Variants in FBXL17 observed in about 807,000 individuals in gnomAD.
FBXL17 encodes the protein F-box/LRR-repeat protein 17.
In FBXL17, 22 loss-of-function variants were observed where a neutral mutation model predicts 66.2. That is an observed-to-expected ratio of 0.33 (90% confidence interval 0.24 to 0.47). The LOEUF is 0.47. Ranked by LOEUF, FBXL17 falls within the 20% of genes least tolerant of loss-of-function variation. FBXL17 has a pLI of 1.00. For missense variants in FBXL17, 878 were observed against 948.2 expected (o/e 0.93, Z 0.97); for synonymous variants, 474 against 400.5 (o/e 1.18, Z -2.19).
intron 5 of FBXL17, among the ~76,000 whole-genome samples, chr5:108,216,047 A>C (rs1754586881): frequency 6.6e-6 from 1 of 152,168 alleles, no homozygotes; most frequent in Non-Finnish European, 1.5e-5. Flanking sequence ...TTTTCCATTG[A>C]CTTACGTGTC....
intron 6 of FBXL17, among the ~76,000 whole-genome samples, chr5:108,099,261 T>G (rs938549785): frequency 2.0e-5 from 3 of 152,234 alleles, no homozygotes; most frequent in African/African-American, 7.2e-5. Context: ...GATAATGTGA[T>G]ACTGGGTACA....
intron 6 of FBXL17, among the ~76,000 whole-genome samples, chr5:108,061,538 T>C (rs936158172): frequency 4.6e-5 from 7 of 152,144 alleles, no homozygotes; most frequent in African/African-American, 1.7e-4. Flanking sequence ...CGTTCAAAAG[T>C]TGACCCTGAC....
At chr5:108,004,613 G>A (rs185356406) in intron 7 of FBXL17, among the ~76,000 whole-genome samples, 1 of 152,252 alleles carries the variant, frequency 6.6e-6, no homozygotes, top group Admixed American at 6.5e-5. Context: ...ACTCCAGCCT[G>A]GGATCGAGGA....
chr5:108,157,618 T>C (rs1188879809), intron 6 of FBXL17, among the ~76,000 whole-genome samples: 1 of 151,150 alleles, frequency 6.6e-6, no homozygotes, highest in Non-Finnish European at 1.5e-5. Flanking sequence ...AATCTGTAGG[T>C]AAATTATTAT....
At chr5:108,153,913 G>A (rs1197844295) in intron 6 of FBXL17, among the ~76,000 whole-genome samples, 1 of 152,052 alleles carries the variant, frequency 6.6e-6, no homozygotes, top group Non-Finnish European at 1.5e-5. Flanking sequence ...AGGTGTCCAG[G>A]GCCCAATTAA....
At chr5:108,258,270 C>A (rs72791257) in intron 4 of FBXL17, among the ~76,000 whole-genome samples, 1,598 of 152,188 alleles carry the variant, frequency 0.011, 21 homozygotes, top group Non-Finnish European at 0.017. Context: ...AGTGCCCTCA[C>A]CAGAAATCAA....
At chr5:107,937,128 T>C (rs1489796403) in intron 7 of FBXL17, among the ~76,000 whole-genome samples, 1 of 152,082 alleles carries the variant, frequency 6.6e-6, no homozygotes, top group Non-Finnish European at 1.5e-5. Context: ...ATAAGTCATA[T>C]TACTAAACAA....
rs532505963 is a variant in FBXL17, at chr5:108,070,190, A to G, written c.1746-49189T>C. Among the ~76,000 whole-genome samples the G allele has an allele frequency of 2.0e-5, 3 of 152,352 alleles. No homozygotes were observed. In the South Asian group the frequency reaches 6.2e-4, roughly 32 times the overall value. The stretch of plus-strand genomic sequence containing the variant: ...TCCATTAGAACCAATAATGTCCTGC[A>G]AAGCCTAATTCTACAAAAGATCCAC... On this transcript the variant is annotated intron_variant, in intron 6 of 8. Transcript: ENST00000542267.
chr5:107,989,684 T>C (rs1753159717), intron 7 of FBXL17, among the ~76,000 whole-genome samples: 1 of 152,148 alleles, frequency 6.6e-6, no homozygotes, highest in South Asian at 2.1e-4. Flanking sequence ...CATATGGTAG[T>C]TCTACGTTTA....
At chr5:108,018,746 G>C (rs1754476507) in intron 7 of FBXL17, among the ~76,000 whole-genome samples, 1 of 152,148 alleles carries the variant, frequency 6.6e-6, no homozygotes, top group South Asian at 2.1e-4. Context: ...TCACCACGGA[G>C]AGGAAAGTCC....
At chr5:107,941,703 C>T (rs1049836277) in intron 7 of FBXL17, among the ~76,000 whole-genome samples, 1 of 152,106 alleles carries the variant, frequency 6.6e-6, no homozygotes, top group African/African-American at 2.4e-5. Flanking sequence ...GAAAGAGAAA[C>T]TCTTCACTGT....
chr5:108,153,905 G>A (rs1316540294), intron 6 of FBXL17, among the ~76,000 whole-genome samples: 1 of 152,098 alleles, frequency 6.6e-6, no homozygotes. Flanking sequence ...AACCAACTAG[G>A]TGTCCAGGGC....
intron 6 of FBXL17, among the ~76,000 whole-genome samples, chr5:108,119,063 C>T (rs1156882396): frequency 2.6e-5 from 4 of 152,120 alleles, no homozygotes; most frequent in South Asian, 4.1e-4. Context: ...CAATTATTTG[C>T]TTTACATAGC....
chr5:108,120,325 T>C (rs80191613), intron 6 of FBXL17, among the ~76,000 whole-genome samples: 22,099 of 152,180 alleles, frequency 0.15, 1,667 homozygotes, highest in Admixed American at 0.17. Context: ...TAATCTCACC[T>C]TTGTAAGAGA....
chr5:108,200,890 C>G (rs1753866260), intron 5 of FBXL17, among the ~76,000 whole-genome samples: 1 of 152,108 alleles, frequency 6.6e-6, no homozygotes, highest in Non-Finnish European at 1.5e-5. Flanking sequence ...AGTCAATGTA[C>G]TCTATTGGAC....
intron 6 of FBXL17, among the ~76,000 whole-genome samples, chr5:108,175,357 C>G (rs1752759974): frequency 6.6e-6 from 1 of 152,138 alleles, no homozygotes; most frequent in Non-Finnish European, 1.5e-5. Flanking sequence ...GAGCCATGCG[C>G]TATAGATTCA....
intron 5 of FBXL17, among the ~76,000 whole-genome samples, chr5:108,219,492 C>A (rs906078684): frequency 2.0e-5 from 3 of 152,010 alleles, no homozygotes; most frequent in Non-Finnish European, 4.4e-5. Flanking sequence ...TCAAAACCAG[C>A]CTGGCTAACA....
intron 6 of FBXL17, among the ~76,000 whole-genome samples, chr5:108,103,480 C>T (rs1400032561): frequency 1.3e-5 from 2 of 152,042 alleles, no homozygotes; most frequent in East Asian, 3.8e-4. Context: ...TCGCTGCTAT[C>T]GTCAATGTGA....
intron 7 of FBXL17, among the ~76,000 whole-genome samples, chr5:108,003,341 G>C (rs145125102): frequency 1.1e-3 from 163 of 152,302 alleles, no homozygotes; most frequent in African/African-American, 3.7e-3. Flanking sequence ...CAAACTGGTA[G>C]TGTACCAGAG....
Sources: gnomAD v4.1 joint callset for allele counts (sites outside exome capture counted in the v4.1 genomes callset) on GRCh38, gnomAD v4.1.1 for gene constraint, MANE v1.5 for transcripts, NCBI Gene and HGNC (gene_info 2026-07-23, HGNC 2026-07-21) for gene names.